The following TLK1 variants were observed in gnomAD, a reference collection of about 807,000 sequenced individuals.
TLK1 encodes the protein tousled like kinase 1.
In TLK1, 24 loss-of-function variants were observed where a neutral mutation model predicts 105.3. The observed-to-expected ratio is 0.23, with a 90% CI of 0.17 to 0.32. The LOEUF (loss-of-function observed/expected upper bound fraction) is 0.32. Among genes scored for constraint, TLK1 ranks in the 10% least tolerant of loss-of-function variants. The pLI is 1.00. For synonymous variants in TLK1, 321 were observed against 310.4 expected, an observed-to-expected ratio of 1.03 and a Z score of -0.36; for missense variants, 558 against 910.5, an observed-to-expected ratio of 0.61 and a Z score of 4.98.
At chr2:171,039,440 T>C (rs891060493) in intron 11 of TLK1, among the ~76,000 whole-genome samples, 4 of 152,174 alleles carry the variant, frequency 2.6e-5, no homozygotes, top group African/African-American at 9.7e-5. Flanking sequence ...GCATTTTTAG[T>C]AGAGATGGGT....
Position 171,115,680 on chromosome 2 carries a change from T to A in TLK1, c.258+2059A>T, listed in dbSNP as rs574162802. The stretch of plus-strand genomic sequence containing the variant: ...CATGTCTAGACTCTGAAGCTGATGG[T>A]GGTGATATTGACTATATGTAAAATC... On this transcript the variant is annotated intron_variant, in intron 2 of 20. Transcript: ENST00000431350. 3.9e-5 allele frequency among the ~76,000 whole-genome samples: 6 copies of A among 152,322 alleles called. 1 individual carries two copies. Among genetic ancestry groups the A allele is most frequent in the African/African-American group, 1.4e-4 (6 of 41,564 alleles).
intron 1 of TLK1, among the ~76,000 whole-genome samples, chr2:171,213,769 C>T (rs1243362112): frequency 6.9e-6 from 1 of 144,476 alleles, no homozygotes; most frequent in Non-Finnish European, 1.5e-5. Context: ...GTCACCCATG[C>T]TAGAATGCTA....
chr2:171,220,911 A>C (rs189083597), intron 1 of TLK1, among the ~76,000 whole-genome samples: 20 of 152,268 alleles, frequency 1.3e-4, no homozygotes, highest in African/African-American at 4.6e-4. Context: ...TTCCACAGAG[A>C]GGCCAGGCTC....
At chr2:171,063,508 T>C (rs1309831955) in intron 3 of TLK1, among the ~76,000 whole-genome samples, 1 of 152,232 alleles carries the variant, frequency 6.6e-6, no homozygotes. Flanking sequence ...AGGATCCTAT[T>C]CGAATTCCAT....
chr2:171,149,649 T>C (rs370216212), intron 1 of TLK1, among the ~76,000 whole-genome samples: 3 of 152,208 alleles, frequency 2.0e-5, no homozygotes, highest in East Asian at 1.9e-4. Context: ...CTCAAGCCTG[T>C]AATCCCAACA....
rs753651763 is a variant in TLK1 at position 171,006,244 on chromosome 2, T to C, written c.1807A>G (p.Ile603Val). 2 of 1,610,042 alleles carry C rather than the reference T, an allele frequency of 1.2e-6. No individual in the cohort carries two copies. Among genetic ancestry groups the C allele is most frequent in the Non-Finnish European group, 1.7e-6 (2 of 1,178,584 alleles). The change falls in exon 18 of 21, where the codon ATC (isoleucine) becomes GTC (valine). Residue 603 changes from isoleucine to valine, a missense_variant. This residue lies in a region of TLK1 where 218 missense variants were observed against 492.9 expected (regional missense o/e 0.44). Coordinates refer to ENST00000431350, the MANE Select transcript of TLK1 (RefSeq NM_012290.5). Reference sequence around the variant, plus strand: ...GACAGACCAAAATCAGTGATTTTGATTTCACCACATGCTGTTCCATCTACC... The same window carrying C: ...GACAGACCAAAATCAGTGATTTTGACTTCACCACATGCTGTTCCATCTACC... ...LLVDGTACGE[I>V]KITDFGLSKI... is the part of the protein sequence containing the mutation.
At chr2:171,210,034 G>C (rs1005119555) in intron 1 of TLK1, among the ~76,000 whole-genome samples, 2 of 152,032 alleles carry the variant, frequency 1.3e-5, no homozygotes, top group African/African-American at 4.8e-5. Context: ...TAGCTAATCA[G>C]GTAAATCAAA....
At chr2:171,073,874 C>CT (rs924986458) in intron 3 of TLK1, among the ~76,000 whole-genome samples, 6 of 76,632 alleles carry the variant, frequency 7.8e-5, no homozygotes, top group Admixed American at 1.4e-4. Flanking sequence ...CTTAACATTC[C>CT]CCCCCCCCCT....
intron 18 of TLK1, among the ~76,000 whole-genome samples, chr2:171,001,893 G>A (rs1361820577): frequency 2.0e-5 from 3 of 151,994 alleles, no homozygotes; most frequent in Non-Finnish European, 2.9e-5. Flanking sequence ...CAATTCTCCT[G>A]CCTCAGCCTC....
At chr2:171,181,372 A>AT (rs959906061) in intron 1 of TLK1, among the ~76,000 whole-genome samples, 18 of 152,200 alleles carry the variant, frequency 1.2e-4, no homozygotes, top group African/African-American at 2.7e-4. Flanking sequence ...AAGTGATCTA[A>AT]TTTTTTTGTA....
At chr2:171,174,371 T>G (rs905161690) in intron 1 of TLK1, among the ~76,000 whole-genome samples, 2 of 152,152 alleles carry the variant, frequency 1.3e-5, no homozygotes, top group African/African-American at 4.8e-5. Context: ...AGCCTCTCCT[T>G]GGCTAGAGAA....
At chr2:171,005,617 T>C (rs1364679382) in intron 18 of TLK1, among the ~76,000 whole-genome samples, 1 of 152,152 alleles carries the variant, frequency 6.6e-6, no homozygotes, top group Admixed American at 6.5e-5. Flanking sequence ...GTACCTGTGG[T>C]CTCAGTTACT....
At chr2:171,124,516 A>T (rs934413096) in intron 1 of TLK1, among the ~76,000 whole-genome samples, 3 of 152,244 alleles carry the variant, frequency 2.0e-5, no homozygotes, top group Non-Finnish European at 4.4e-5. Flanking sequence ...TTCTAACAAA[A>T]ATTAATGCAG....
intron 1 of TLK1, among the ~76,000 whole-genome samples, chr2:171,198,768 C>A (rs1342967453): frequency 6.6e-6 from 1 of 152,284 alleles, no homozygotes; most frequent in South Asian, 2.1e-4. Flanking sequence ...ATAAATTTAT[C>A]CTCCAATCTA....
chr2:171,067,852 A>G (rs1229624613), intron 3 of TLK1, among the ~76,000 whole-genome samples: 1 of 151,948 alleles, frequency 6.6e-6, no homozygotes, highest in Non-Finnish European at 1.5e-5. Context: ...ACTCCCACTT[A>G]AGAGTAAGAA....
intron 1 of TLK1, among the ~76,000 whole-genome samples, chr2:171,132,753 C>T (rs1691154394): frequency 6.6e-6 from 1 of 152,164 alleles, no homozygotes; most frequent in South Asian, 2.1e-4. Context: ...GTGATCCCAA[C>T]TACTCAAGAG....
At chr2:171,035,010 T>C (rs920745752) in intron 11 of TLK1, among the ~76,000 whole-genome samples, 5 of 152,050 alleles carry the variant, frequency 3.3e-5, no homozygotes, top group African/African-American at 9.7e-5. Context: ...GTTCTCATGA[T>C]AGTGAGTGAG....
At position 171,095,985 on chromosome 2, in the gene TLK1, C is replaced by T. The variant is rs1294164274; in HGVS notation, c.259-13133G>A. Among the ~76,000 whole-genome samples, 24 of 151,980 alleles carry T rather than the reference C, an allele frequency of 1.6e-4. No homozygotes were observed. The South Asian group carries it at 5.0e-3, about 32-fold the overall frequency. On this transcript the variant is annotated intron_variant, in intron 2 of 20. Transcript: ENST00000431350. ...ACAAGTAAGCCCATTCTCACCACTGCTATTCAATATAGTACCGGAAATCCT... is the reference window on the plus strand; with the variant it reads ...ACAAGTAAGCCCATTCTCACCACTGTTATTCAATATAGTACCGGAAATCCT...
intron 3 of TLK1, among the ~76,000 whole-genome samples, chr2:171,069,204 T>C: frequency 6.6e-6 from 1 of 152,216 alleles, no homozygotes. Flanking sequence ...ATCTTAGTTA[T>C]ATGGAAAGAT....
Sources: allele counts gnomAD v4.1 joint callset (sites outside exome capture counted in the v4.1 genomes callset), GRCh38; gene constraint gnomAD v4.1.1; regional missense constraint gnomAD v4.1.1; transcripts MANE v1.5; gene names NCBI Gene and HGNC (gene_info 2026-07-23, HGNC 2026-07-21).